NAALADL2: variants seen among roughly 807,000 people sequenced by gnomAD.
NAALADL2 encodes N-acetylated alpha-linked acidic dipeptidase like 2, also known as inactive N-acetylated-alpha-linked acidic dipeptidase-like protein 2.
Under a neutral mutation model 87.2 loss-of-function variants are expected in NAALADL2, and 76 were observed. That is an observed-to-expected ratio of 0.87 (90% CI 0.72 to 1.05). The LOEUF is 1.05. Ranked by LOEUF, NAALADL2 falls within the 50% of genes least tolerant of loss-of-function variation. NAALADL2 has a pLI of 0.00. For missense variants in NAALADL2, 1,089 were observed against 945.8 expected (o/e 1.15, Z -1.99); for synonymous variants, 354 against 331.0 (o/e 1.07, Z -0.75).
intron 9 of NAALADL2, among the ~76,000 whole-genome samples, chr3:175,536,415 C>G: frequency 6.6e-6 from 1 of 152,192 alleles, no homozygotes; most frequent in East Asian, 1.9e-4. Context: ...CTAATTTTGC[C>G]TACAATGGTT....
chr3:174,471,330 A>G (rs1198821398), intron 1 of NAALADL2, among the ~76,000 whole-genome samples: 3 of 152,060 alleles, frequency 2.0e-5, no homozygotes, highest in Non-Finnish European at 4.4e-5. Flanking sequence ...TTGTAAGCCT[A>G]TGTAGTTATA....
chr3:174,830,516 C>T (rs1377614913), intron 3 of NAALADL2, among the ~76,000 whole-genome samples: 5 of 151,342 alleles, frequency 3.3e-5, no homozygotes, highest in Admixed American at 3.3e-4. Context: ...GTTACTGTAG[C>T]CTTGTAGTAT....
chr3:175,572,222 G>A (rs1718182119), intron 9 of NAALADL2, among the ~76,000 whole-genome samples: 1 of 152,044 alleles, frequency 6.6e-6, no homozygotes, highest in African/African-American at 2.4e-5. Flanking sequence ...GATGACATGA[G>A]GCGGCTCAAA....
At chr3:175,778,312 G>A (rs535282120) in intron 13 of NAALADL2, among the ~76,000 whole-genome samples, 1 of 152,274 alleles carries the variant, frequency 6.6e-6, no homozygotes, top group South Asian at 2.1e-4. Context: ...GGAATGGGTG[G>A]CATTTTCAAT....
intron 4 of NAALADL2, among the ~76,000 whole-genome samples, chr3:175,298,108 C>G (rs1378568028): frequency 6.6e-6 from 1 of 151,924 alleles, no homozygotes; most frequent in Non-Finnish European, 1.5e-5. Flanking sequence ...TCAAATAAGA[C>G]AGGGAAACAA....
intron 1 of NAALADL2, among the ~76,000 whole-genome samples, chr3:174,898,659 A>C (rs1731921322): frequency 6.6e-6 from 1 of 151,972 alleles, no homozygotes; most frequent in Non-Finnish European, 1.5e-5. Flanking sequence ...AATTTAAGAA[A>C]TAAATAAAAA....
chr3:175,112,152 C>G (rs1311848565), intron 2 of NAALADL2, among the ~76,000 whole-genome samples: 1 of 151,524 alleles, frequency 6.6e-6, no homozygotes, highest in Non-Finnish European at 1.5e-5. Context: ...AGGTCTTCAG[C>G]CATTCTCCAT....
chr3:174,693,795 TAG>T (rs909074355), intron 2 of NAALADL2, among the ~76,000 whole-genome samples: 6 of 152,130 alleles, frequency 3.9e-5, no homozygotes, highest in African/African-American at 1.2e-4. Context: ...GCGTGGTTTA[TAG>T]AGAGTGTGTA....
At chr3:174,957,194 A>C (rs1234703172) in intron 1 of NAALADL2, among the ~76,000 whole-genome samples, 2 of 152,012 alleles carry the variant, frequency 1.3e-5, no homozygotes, top group East Asian at 3.9e-4. Context: ...GCTCTAAAGC[A>C]ATCCCGAGAC....
At chr3:174,913,240 G>A (rs1213705355) in intron 1 of NAALADL2, among the ~76,000 whole-genome samples, 1 of 152,090 alleles carries the variant, frequency 6.6e-6, no homozygotes, top group African/African-American at 2.4e-5. Context: ...TTACATAATT[G>A]CTAAACCCTT....
chr3:174,605,616 G>A (rs190232556), intron 2 of NAALADL2, among the ~76,000 whole-genome samples: 2,719 of 152,246 alleles, frequency 0.018, 43 homozygotes, highest in Non-Finnish European at 0.028. Flanking sequence ...CTGGGGGAGG[G>A]GCGCCCACCA....
At chr3:175,424,383 T>C (rs1346336846) in intron 5 of NAALADL2, among the ~76,000 whole-genome samples, 2 of 152,212 alleles carry the variant, frequency 1.3e-5, no homozygotes, top group Non-Finnish European at 2.9e-5. Context: ...AGGGTTTTTA[T>C]GGTTTTAGGT....
chr3:175,698,914 G>A (rs979837576), intron 11 of NAALADL2, among the ~76,000 whole-genome samples: 4 of 151,794 alleles, frequency 2.6e-5, no homozygotes. Flanking sequence ...AGAGTGCTAA[G>A]CACACATAAA....
At chr3:174,774,680 TGCA>T (rs1714991841) in intron 3 of NAALADL2, among the ~76,000 whole-genome samples, 1 of 152,204 alleles carries the variant, frequency 6.6e-6, no homozygotes, top group African/African-American at 2.4e-5. Flanking sequence ...TTGGCAGTTC[TGCA>T]CCAAGAGGAA....
At chr3:175,527,458 G>A (rs1312100497) in intron 9 of NAALADL2, among the ~76,000 whole-genome samples, 1 of 152,044 alleles carries the variant, frequency 6.6e-6, no homozygotes, top group African/African-American at 2.4e-5. Flanking sequence ...AGAAATTATT[G>A]TTGGATTAGG....
intron 13 of NAALADL2, among the ~76,000 whole-genome samples, chr3:175,782,131 G>T (rs1244781805): frequency 2.0e-5 from 3 of 150,296 alleles, no homozygotes; most frequent in Non-Finnish European, 3.0e-5. Flanking sequence ...TTGGTTCCAA[G>T]TCTTTGCTAT....
At chr3:175,593,764 C>T (rs1326198887) in intron 10 of NAALADL2, among the ~76,000 whole-genome samples, 1 of 89,414 alleles carries the variant, frequency 1.1e-5, no homozygotes, top group Non-Finnish European at 2.5e-5. Flanking sequence ...CATATTAGGG[C>T]CCACTCTCAA....
chr3:175,377,167 G>A (rs1293907424), intron 5 of NAALADL2, among the ~76,000 whole-genome samples: 1 of 151,910 alleles, frequency 6.6e-6, no homozygotes, highest in Non-Finnish European at 1.5e-5. Context: ...ACAAAAATTA[G>A]TTGGGCCGGT....
intron 2 of NAALADL2, among the ~76,000 whole-genome samples, chr3:175,190,523 T>C (rs1324165154): frequency 1.3e-5 from 2 of 152,242 alleles, no homozygotes; most frequent in Middle Eastern, 3.4e-3. Flanking sequence ...GGATGTCTAT[T>C]ATCTAAAAGT....
Sources: gnomAD v4.1 joint callset for allele counts (sites outside exome capture counted in the v4.1 genomes callset) on GRCh38, gnomAD v4.1.1 for gene constraint, MANE v1.5 for transcripts, NCBI Gene and HGNC (gene_info 2026-07-23, HGNC 2026-07-21) for gene names.